Variants in PFDN1 observed in about 807,000 individuals in gnomAD.
PFDN1 encodes the protein prefoldin 1.
In PFDN1, 6 loss-of-function variants were observed where a neutral mutation model predicts 17.3. The observed-to-expected ratio is 0.35, with a 90% CI of 0.19 to 0.69. The LOEUF (loss-of-function observed/expected upper bound fraction) is 0.69, where lower values mean the gene tolerates loss of function less well. Ranked by LOEUF, PFDN1 falls within the 30% of genes least tolerant of loss-of-function variation. PFDN1 has a pLI of 0.65. For missense variants in PFDN1, 113 were observed against 146.2 expected, an observed-to-expected ratio of 0.77 and a Z score of 1.17; for synonymous variants, 58 against 50.1, an observed-to-expected ratio of 1.16 and a Z score of -0.67.
chr5:140,298,155 AAAAT>A (rs1423493401), intron 2 of PFDN1, among the ~76,000 whole-genome samples: 9 of 152,288 alleles, frequency 5.9e-5, no homozygotes, highest in Admixed American at 5.2e-4. Flanking sequence ...GCTTGGACAT[AAAAT>A]TTACTTGTGC....
chr5:140,274,489 T>C (rs1765259711), intron 3 of PFDN1, among the ~76,000 whole-genome samples: 2 of 152,208 alleles, frequency 1.3e-5, no homozygotes, highest in South Asian at 4.1e-4. Context: ...AATAACATGG[T>C]TACTCTATCA....
intron 2 of PFDN1, among the ~76,000 whole-genome samples, chr5:140,285,440 C>T (rs554767661): frequency 5.3e-5 from 8 of 151,450 alleles, no homozygotes; most frequent in Admixed American, 2.6e-4. Flanking sequence ...TAATTTTTAG[C>T]GTGGAAGCAA....
intron 3 of PFDN1, among the ~76,000 whole-genome samples, chr5:140,275,357 C>T (rs1765273645): frequency 1.3e-5 from 2 of 149,050 alleles, no homozygotes; most frequent in African/African-American, 2.5e-5. Context: ...TGCAGTGAGC[C>T]GAGATTGCGC....
At chr5:140,291,114 T>C (rs1765574686) in intron 2 of PFDN1, among the ~76,000 whole-genome samples, 1 of 152,222 alleles carries the variant, frequency 6.6e-6, no homozygotes, top group South Asian at 2.1e-4. Flanking sequence ...CTTTGTCTTT[T>C]TCACTGATGA....
chr5:140,284,300 T>C (rs1438870934), intron 2 of PFDN1, among the ~76,000 whole-genome samples: 2 of 152,128 alleles, frequency 1.3e-5, no homozygotes, highest in African/African-American at 4.8e-5. Flanking sequence ...GTTGGGTAAA[T>C]GCAAATGTCT....
intron 3 of PFDN1, among the ~76,000 whole-genome samples, chr5:140,279,632 AT>A (rs1052151069): frequency 1.2e-4 from 18 of 152,070 alleles, no homozygotes; most frequent in Admixed American, 1.2e-3. Context: ...CACTCTGCTA[AT>A]TTTTTAATCA....
intron 1 of PFDN1, 39 bp downstream of exon 1, chr5:140,303,002 C>A (rs767818607): frequency 2.0e-6 from 3 of 1,493,958 alleles, no homozygotes; most frequent in Non-Finnish European, 2.8e-6. Flanking sequence ...CCTCAGCCTC[C>A]AAAAAGAAGA....
intron 2 of PFDN1, among the ~76,000 whole-genome samples, chr5:140,282,629 C>T (rs1282560199): frequency 6.6e-6 from 1 of 152,142 alleles, no homozygotes; most frequent in Admixed American, 6.5e-5. Flanking sequence ...ACATCAGGCA[C>T]ATTATTTACC....
chr5:140,286,782 T>C (rs762072021), intron 2 of PFDN1, among the ~76,000 whole-genome samples: 1 of 151,888 alleles, frequency 6.6e-6, no homozygotes, highest in Non-Finnish European at 1.5e-5. Flanking sequence ...ATTTTTGTAT[T>C]TTAGTAGTGA....
At chr5:140,264,930 T>C (rs1765115786) in intron 3 of PFDN1, among the ~76,000 whole-genome samples, 1 of 152,194 alleles carries the variant, frequency 6.6e-6, no homozygotes, top group South Asian at 2.1e-4. Flanking sequence ...TAGGGAACAG[T>C]AAAGGTATTA....
rs756742320 is a variant in PFDN1, at chr5:140,300,429, C to A, written c.187G>T (p.Gly63Cys). The stretch of plus-strand genomic sequence containing the variant: ...CATTTTACTTACATTCTTCCTACAC[C>A]TTCATACATGTTAGTCTCATCTACC... ...TLVDETNMYEGVGRMFILQSK... is the reference protein window; with the variant it reads ...TLVDETNMYECVGRMFILQSK... Residue 63 changes from glycine to cysteine, a missense_variant, in exon 2 of 4, where the codon GGT becomes TGT. Physicochemically the swap from Gly to Cys is radical, Grantham distance 159. Coordinates refer to ENST00000261813, the MANE Select transcript of PFDN1 (RefSeq NM_002622.5). 10 of 1,603,314 alleles carry A rather than the reference C, an allele frequency of 6.2e-6. No homozygotes were observed. Among genetic ancestry groups the A allele is most frequent in the Non-Finnish European group, 8.5e-6 (10 of 1,172,250 alleles).
At chr5:140,260,297 T>A (rs993194185) in intron 3 of PFDN1, among the ~76,000 whole-genome samples, 1 of 152,172 alleles carries the variant, frequency 6.6e-6, no homozygotes, top group Admixed American at 6.5e-5. Flanking sequence ...ATGGGGCAGC[T>A]GCTACAGAAA....
chr5:140,246,642 A>G (rs1764834847), intron 3 of PFDN1, among the ~76,000 whole-genome samples: 2 of 152,204 alleles, frequency 1.3e-5, no homozygotes, highest in Non-Finnish European at 2.9e-5. Context: ...AACACTGAGG[A>G]AAGCAGACCT....
At chr5:140,250,309 C>T (rs1458069683) in intron 3 of PFDN1, among the ~76,000 whole-genome samples, 1 of 152,226 alleles carries the variant, frequency 6.6e-6, no homozygotes, top group Non-Finnish European at 1.5e-5. Context: ...CATGCTGCTC[C>T]TCCAATCCAC....
chr5:140,251,734 A>G (rs1235603107), intron 3 of PFDN1, among the ~76,000 whole-genome samples: 2 of 152,222 alleles, frequency 1.3e-5, no homozygotes, highest in Non-Finnish European at 2.9e-5. Flanking sequence ...TGTGGGGCTC[A>G]GCATGGCCAG....
intron 2 of PFDN1, 135 bp downstream of exon 2, chr5:140,300,281 G>C (rs1417523988): frequency 1.6e-6 from 1 of 630,246 alleles, no homozygotes; most frequent in Admixed American, 2.8e-5. Flanking sequence ...CACTCGCCTC[G>C]ACCTCCCAAA....
At chr5:140,256,608 C>G (rs1220474462) in intron 3 of PFDN1, among the ~76,000 whole-genome samples, 1 of 134,230 alleles carries the variant, frequency 7.4e-6, no homozygotes, top group African/African-American at 2.8e-5. Context: ...ACTTCCCCAT[C>G]TCAGTGAATG....
intron 1 of PFDN1, among the ~76,000 whole-genome samples, chr5:140,300,879 G>A (rs565992193): frequency 1.4e-4 from 21 of 152,290 alleles, no homozygotes; most frequent in Middle Eastern, 3.4e-3. Context: ...AGTCAAGGAT[G>A]AAATCCAGAG....
At chr5:140,247,424 G>C (rs1162609741) in intron 3 of PFDN1, among the ~76,000 whole-genome samples, 2 of 152,066 alleles carry the variant, frequency 1.3e-5, no homozygotes, top group Non-Finnish European at 2.9e-5. Flanking sequence ...ACAGGCGTGA[G>C]CCACCGCGCT....
Sources: gnomAD v4.1 joint callset for allele counts (sites outside exome capture counted in the v4.1 genomes callset) on GRCh38, gnomAD v4.1.1 for gene constraint, MANE v1.5 for transcripts, NCBI Gene and HGNC (gene_info 2026-07-23, HGNC 2026-07-21) for gene names.